Variants in SMCO4 observed in about 807,000 individuals in gnomAD.
The protein encoded by SMCO4 is single-pass membrane protein with coiled-coil domains 4.
In SMCO4, 4 loss-of-function variants were observed where a neutral mutation model predicts 3.6. The observed-to-expected ratio is 1.11, with a 90% CI of 0.54 to 2.53. SMCO4 has a LOEUF of 2.53. SMCO4 is among the 30% of genes most tolerant of loss of function. The probability of loss-of-function intolerance (pLI) is 0.02; values close to 1 mark genes in which losing one functional copy is unlikely to be tolerated. For synonymous variants in SMCO4, 36 were observed against 35.3 expected (o/e 1.02, Z -0.07); for missense variants, 70 against 80.8 (o/e 0.87, Z 0.51).
At chr11:93,497,621 A>C (rs576257215) in intron 2 of SMCO4, among the ~76,000 whole-genome samples, 1 of 151,988 alleles carries the variant, frequency 6.6e-6, no homozygotes, top group Non-Finnish European at 1.5e-5. Context: ...TTAGTTTGCC[A>C]TGGCTTCCAA....
chr11:93,542,132 A>G (rs1565393043), intron 1 of SMCO4, among the ~76,000 whole-genome samples: 1 of 148,962 alleles, frequency 6.7e-6, no homozygotes, highest in Non-Finnish European at 1.5e-5. Flanking sequence ...AAAAGCCAAC[A>G]TGAGTCATCT....
At chr11:93,505,372 C>T (rs1948889336) in intron 1 of SMCO4, among the ~76,000 whole-genome samples, 1 of 152,194 alleles carries the variant, frequency 6.6e-6, no homozygotes, top group South Asian at 2.1e-4. Flanking sequence ...AACACTTTCC[C>T]CAACTCTGTT....
rs532133681 is a variant in SMCO4, at chr11:93,512,874, G to A, written c.-153-13526C>T. Among the ~76,000 whole-genome samples the A allele has an allele frequency of 9.9e-4, 151 of 152,304 alleles. 1 individual carries two copies. Among genetic ancestry groups the A allele is most frequent in the African/African-American group, 3.4e-3 (143 of 41,582 alleles). The stretch of plus-strand genomic sequence containing the variant: ...ATACAGGGCAATACAGAGTACTATG[G>A]GAGCAGGTCATGAAGGGGCCTAACT... On this transcript the variant is annotated intron_variant, in intron 1 of 2. Transcript: ENST00000298966.
intron 1 of SMCO4, chr11:93,535,538 G>C: frequency 7.0e-7 from 1 of 1,423,562 alleles, no homozygotes; most frequent in Non-Finnish European, 9.9e-7. Context: ...CTGGACATCA[G>C]GCAGCATCAT....
intron 2 of SMCO4, chr11:93,481,370 G>A (rs998561584): frequency 7.4e-6 from 7 of 944,242 alleles, no homozygotes; most frequent in East Asian, 1.2e-4. Flanking sequence ...ACCCGTGGGC[G>A]GCCCAGGGAC....
rs780724986 is a variant in SMCO4 at position 93,479,004 on chromosome 11, C to T, written c.*6G>A. Reference sequence around the variant, plus strand: ...TGCCGATGGGGTCCGCAGCCGGCTGCGGGGCTCACTCGGTGATGGTGGGGC... The same window carrying T: ...TGCCGATGGGGTCCGCAGCCGGCTGTGGGGCTCACTCGGTGATGGTGGGGC... On this transcript the variant is annotated 3_prime_UTR_variant, in exon 3 of 3. Coordinates refer to ENST00000298966, the MANE Select transcript of SMCO4 (RefSeq NM_020179.3). 3 of 1,599,556 alleles carry T rather than the reference C, an allele frequency of 1.9e-6. No individual in the cohort carries two copies. Among genetic ancestry groups the T allele is most frequent in the Non-Finnish European group, 2.6e-6 (3 of 1,172,154 alleles).
chr11:93,505,110 C>G (rs747645710), intron 1 of SMCO4, among the ~76,000 whole-genome samples: 1 of 152,230 alleles, frequency 6.6e-6, no homozygotes, highest in Non-Finnish European at 1.5e-5. Flanking sequence ...TCAGATGATG[C>G]AGCTGGGCAA....
intron 2 of SMCO4, 136 bp from the exon 3 acceptor site, chr11:93,479,405 G>T (rs1591299197): frequency 1.2e-6 from 1 of 825,764 alleles, no homozygotes; most frequent in Non-Finnish European, 1.7e-6. Context: ...GCCACACCAG[G>T]CTCTAAGTTC....
chr11:93,508,837 G>A (rs1948932105), intron 1 of SMCO4, among the ~76,000 whole-genome samples: 1 of 152,190 alleles, frequency 6.6e-6, no homozygotes, highest in African/African-American at 2.4e-5. Flanking sequence ...TCCACCACTG[G>A]AGGTGGGAAA....
At chr11:93,538,156 C>A (rs1378268194) in intron 1 of SMCO4, among the ~76,000 whole-genome samples, 4 of 152,242 alleles carry the variant, frequency 2.6e-5, no homozygotes, top group Non-Finnish European at 5.9e-5. Context: ...CCCAGCCAAT[C>A]ATCTCCTTGG....
chr11:93,511,781 TA>T, intron 1 of SMCO4, among the ~76,000 whole-genome samples: 1 of 152,302 alleles, frequency 6.6e-6, no homozygotes, highest in East Asian at 1.9e-4. Context: ...AAAAAATTCA[TA>T]AAGTATAATC....
intron 2 of SMCO4, among the ~76,000 whole-genome samples, chr11:93,486,886 GA>G (rs888447058): frequency 7.2e-5 from 11 of 152,260 alleles, no homozygotes; most frequent in Admixed American, 2.6e-4. Context: ...CCTGTCTTCA[GA>G]AAAAAACAGT....
At chr11:93,500,042 G>A (rs1245609972) in intron 1 of SMCO4, among the ~76,000 whole-genome samples, 1 of 152,220 alleles carries the variant, frequency 6.6e-6, no homozygotes, top group African/African-American at 2.4e-5. Context: ...AAGTAAAAAG[G>A]TGGGAGACTC....
rs1008433098 is a variant in SMCO4 at position 93,491,547 on chromosome 11, T to C, written c.-81+7729A>G. On this transcript the variant is annotated intron_variant, in intron 2 of 2. Transcript: ENST00000298966. ...AGAAGTGAGAAATGAGTTTTGAGAT[T>C]ATGTAACTTGCTCAGGACCACTAGG... Among the ~76,000 whole-genome samples, 8 of 152,196 alleles carry C rather than the reference T, an allele frequency of 5.3e-5. No individual in the cohort carries two copies. In the East Asian group the frequency reaches 1.5e-3, roughly 29 times the overall value.
At chr11:93,509,622 A>G (rs1383575955) in intron 1 of SMCO4, among the ~76,000 whole-genome samples, 1 of 152,246 alleles carries the variant, frequency 6.6e-6, no homozygotes, top group African/African-American at 2.4e-5. Context: ...ATATACCACG[A>G]AAGACTACTG....
intron 1 of SMCO4, among the ~76,000 whole-genome samples, chr11:93,536,303 T>A (rs1477640846): frequency 1.3e-5 from 2 of 152,234 alleles, no homozygotes; most frequent in Non-Finnish European, 1.5e-5. Context: ...ATTTAACATT[T>A]GACATGCCAA....
intron 2 of SMCO4, among the ~76,000 whole-genome samples, chr11:93,479,689 G>A (rs1243612947): frequency 6.6e-6 from 1 of 152,188 alleles, no homozygotes; most frequent in Non-Finnish European, 1.5e-5. Flanking sequence ...CAGGCAGCCT[G>A]CAGTCTCCAG....
chr11:93,530,308 C>T (rs1301532748), intron 1 of SMCO4, among the ~76,000 whole-genome samples: 1 of 152,176 alleles, frequency 6.6e-6, no homozygotes, highest in African/African-American at 2.4e-5. Flanking sequence ...GCAATTCCTG[C>T]CACCACAGCC....
At chr11:93,493,837 G>C (rs927180722) in intron 2 of SMCO4, among the ~76,000 whole-genome samples, 1 of 152,092 alleles carries the variant, frequency 6.6e-6, no homozygotes, top group Non-Finnish European at 1.5e-5. Context: ...TTACTTGCTA[G>C]ATGATACAAG....
Sources: allele counts gnomAD v4.1 joint callset (sites outside exome capture counted in the v4.1 genomes callset), GRCh38; gene constraint gnomAD v4.1.1; transcripts MANE v1.5; gene names NCBI Gene and HGNC (gene_info 2026-07-23, HGNC 2026-07-21).